The following ZNF546 variants were observed in gnomAD, a reference collection of about 807,000 sequenced individuals.
ZNF546 encodes the protein zinc finger protein 546, also known as CTC-471F3.6.
Under a neutral mutation model 76.2 loss-of-function variants are expected in ZNF546, and 60 were observed. That is an observed-to-expected ratio of 0.79 (90% CI 0.64 to 0.98). ZNF546 has a LOEUF of 0.98. Among genes scored for constraint, ZNF546 ranks in the 50% least tolerant of loss-of-function variants. ZNF546 has a pLI of 0.00. For synonymous variants in ZNF546, 277 were observed against 328.1 expected, an observed-to-expected ratio of 0.84 and a Z score of 1.68; for missense variants, 936 against 1,035.6, an observed-to-expected ratio of 0.90 and a Z score of 1.32.
In ZNF546 at chr19:40,017,997, A is replaced by AGAT. The variant is rs1971799240; in HGVS notation, c.*2218_*2220dup. ...TTTTTTTTTTTTTTTTTTTTTTTTG[A>AGAT]GATGGAGTCTCTGTCGCCCAGGCTG... On this transcript the variant is annotated 3_prime_UTR_variant, in exon 7 of 7. Transcript: ENST00000347077. 1 of 24,086 alleles carries AGAT rather than the reference A, an allele frequency of 4.2e-5. No individual in the cohort carries two copies. The highest frequency in any genetic ancestry group is 2.4e-4 in the African/African-American group (1 of 4,142). The allele number at this position is 24,086 out of a possible 1,614,324, so 1.5% of individuals were successfully genotyped here.
rs200539180 is a variant in ZNF546, at chr19:40,007,392, T to C, written c.290T>C (p.Val97Ala). Residue 97 changes from valine (V) to alanine (A), a missense_variant, in exon 5 of 7, where the codon GTC becomes GCC. Coordinates refer to ENST00000347077, the MANE Select transcript of ZNF546 (RefSeq NM_178544.5). ...ATGTTGGAGAACTACAGCAACCTGG[T>C]CTCACTGGGTAAGGTATCTTTCGAA... ...DVMLENYSNL[V>A]SLGYTIPKPD... 6.3e-7 allele frequency: 1 copy of C among 1,597,190 alleles called. No homozygotes were observed. The highest frequency in any genetic ancestry group is 8.5e-7 in the Non-Finnish European group (1 of 1,171,738).
At chr19:39,998,489 C>A in intron 3 of ZNF546, 79 bp downstream of exon 3, 1 of 1,206,130 alleles carries the variant, frequency 8.3e-7, no homozygotes, top group Non-Finnish European at 1.2e-6. Flanking sequence ...ATCACATCAT[C>A]CATCTTCTCC....
intron 6 of ZNF546, among the ~76,000 whole-genome samples, chr19:40,013,244 C>G (rs1971694945): frequency 6.6e-6 from 1 of 152,114 alleles, no homozygotes; most frequent in African/African-American, 2.4e-5. Context: ...TAGCTCACTG[C>G]CTGTTTTTGC....
chr19:40,006,169 A>C lies in ZNF546; in HGVS notation c.158A>C (p.Lys53Thr). The change falls in exon 4 of 7, where the codon AAA becomes ACA. Residue 53 changes from lysine (K) to threonine (T), a missense_variant. Transcript: ENST00000347077. Reference sequence around the variant, plus strand: ...GAACTGACAAGTTCTTGTGGTTCTAAAACCATGGCCAATGTAAGTTTGTGT... The same window carrying C: ...GAACTGACAAGTTCTTGTGGTTCTACAACCATGGCCAATGTAAGTTTGTGT... ...QGELTSSCGS[K>T]TMANVSLAFR... 1 of 1,613,516 alleles carries C rather than the reference A, an allele frequency of 6.2e-7. No individual in the cohort carries two copies. The highest frequency in any genetic ancestry group is 8.5e-7 in the Non-Finnish European group (1 of 1,179,706).
Position 40,015,066 on chromosome 19 carries a change from A to G in ZNF546, c.1796A>G (p.His599Arg), listed in dbSNP as rs1364784689. ...IFSRRYNLTQ[H>R]FKIHTGEKPY... ...AGTCGTCGCTATAATCTTACTCAAC[A>G]TTTTAAAATTCATACTGGTGAAAAA... Residue 599 changes from histidine (H) to arginine (R), a missense_variant, in exon 7 of 7, where the codon CAT becomes CGT. Physicochemically the swap from His to Arg is conservative, Grantham distance 29. Coordinates refer to ENST00000347077, the MANE Select transcript of ZNF546 (RefSeq NM_178544.5). 3.1e-6 allele frequency: 5 copies of G among 1,613,994 alleles called. No homozygotes were observed. Among genetic ancestry groups the G allele is most frequent in the Admixed American group, 1.7e-5 (1 of 60,012 alleles).
At chr19:40,009,041 A>G (rs1384724138) in intron 6 of ZNF546, among the ~76,000 whole-genome samples, 1 of 152,236 alleles carries the variant, frequency 6.6e-6, no homozygotes, top group Non-Finnish European at 1.5e-5. Context: ...TAAACAGATA[A>G]TAATCAAGTT....
intron 3 of ZNF546, among the ~76,000 whole-genome samples, chr19:40,000,361 A>G (rs1971512515): frequency 6.6e-6 from 1 of 152,148 alleles, no homozygotes; most frequent in African/African-American, 2.4e-5. Context: ...ATGGTGGCTC[A>G]AGCCTGTAAT....
At chr19:40,004,938 A>AT (rs1971584684) in intron 3 of ZNF546, among the ~76,000 whole-genome samples, 1 of 148,480 alleles carries the variant, frequency 6.7e-6, no homozygotes, top group African/African-American at 2.5e-5. Flanking sequence ...GCTGAATTCT[A>AT]CCTCCCTGCA....
Position 40,007,281 on chromosome 19 carries a change from T to C in ZNF546, c.179T>C (p.Leu60Ser). 1 of 1,546,158 alleles carries C rather than the reference T, an allele frequency of 6.5e-7. No homozygotes were observed. The highest frequency in any genetic ancestry group is 8.7e-7 in the Non-Finnish European group (1 of 1,144,838). The stretch of plus-strand genomic sequence containing the variant: ...ATAGGCTTGTCATTTCAGGTATCTT[T>C]GGCATTTAGGGATGTGTCCATAGAC... ...CGSKTMANVSLAFRDVSIDLS... is the reference protein window; with the variant it reads ...CGSKTMANVSSAFRDVSIDLS... Residue 60 changes from leucine to serine, a missense_variant, in exon 5 of 7, where the codon TTG (leucine) becomes TCG (serine). Coordinates refer to ENST00000347077, the MANE Select transcript of ZNF546 (RefSeq NM_178544.5).
chr19:40,004,522 G>A (rs1164224139), intron 3 of ZNF546, among the ~76,000 whole-genome samples: 8 of 152,090 alleles, frequency 5.3e-5, no homozygotes, highest in African/African-American at 1.9e-4. Flanking sequence ...AGCCACCTCG[G>A]CCTCCCAGCG....
At chr19:40,002,046 T>C (rs1410467451) in intron 3 of ZNF546, among the ~76,000 whole-genome samples, 1 of 152,230 alleles carries the variant, frequency 6.6e-6, no homozygotes, top group African/African-American at 2.4e-5. Context: ...TCTGAAAATC[T>C]GACAACAGAG....
In ZNF546 at chr19:40,014,733, T is replaced by G; in HGVS notation, c.1463T>G (p.Leu488Arg). The G allele has an allele frequency of 6.2e-7, 1 of 1,610,808 alleles. No homozygotes were observed. Among genetic ancestry groups the G allele is most frequent in the Non-Finnish European group, 8.5e-7 (1 of 1,179,068 alleles). The stretch of plus-strand genomic sequence containing the variant: ...TGTGGTTATCAACTTACTTTACATC[T>G]GAGAACTCACACCGGTGAGATTCCC... ...FICGYQLTLHLRTHTGEIPYE... is the reference protein window; with the variant it reads ...FICGYQLTLHRRTHTGEIPYE... The change falls in exon 7 of 7, where the codon CTG (leucine) becomes CGG (arginine). Residue 488 changes from leucine to arginine, a missense_variant. By Grantham distance (102) the Leu-to-Arg change is moderately radical. Coordinates refer to ENST00000347077, the MANE Select transcript of ZNF546 (RefSeq NM_178544.5).
At chr19:40,003,180 C>T (rs1054696925) in intron 3 of ZNF546, among the ~76,000 whole-genome samples, 1 of 151,798 alleles carries the variant, frequency 6.6e-6, no homozygotes, top group Non-Finnish European at 1.5e-5. Flanking sequence ...GGACTACAGG[C>T]GCCTGCCACC....
intron 3 of ZNF546, among the ~76,000 whole-genome samples, chr19:40,005,331 C>T (rs1370269964): frequency 6.6e-6 from 1 of 152,020 alleles, no homozygotes; most frequent in Admixed American, 6.6e-5. Context: ...AACCTGCATG[C>T]ATCTTAATAC....
intron 3 of ZNF546, among the ~76,000 whole-genome samples, chr19:40,004,517 C>T (rs927944918): frequency 3.9e-5 from 6 of 152,178 alleles, no homozygotes; most frequent in African/African-American, 1.4e-4. Context: ...GATCCAGCCA[C>T]CTCGGCCTCC....
At position 40,014,345 on chromosome 19, in the gene ZNF546, T is replaced by A; in HGVS notation, c.1075T>A (p.Cys359Ser). 1 of 1,614,068 alleles carries A rather than the reference T, an allele frequency of 6.2e-7. No homozygotes were observed. Among genetic ancestry groups the A allele is most frequent in the South Asian group, 1.1e-5 (1 of 91,080 alleles). ...TCATACTGGTGAGAGGCCTTATGAA[T>A]GTAAGGTTTGTGGCAAGACCTTTAG... ...RIHTGERPYECKVCGKTFRVQ... is the reference protein window; with the variant it reads ...RIHTGERPYESKVCGKTFRVQ... The change falls in exon 7 of 7, where the codon TGT (cysteine) becomes AGT (serine). Residue 359 changes from cysteine to serine, a missense_variant. Transcript: ENST00000347077.
At position 40,015,519 on chromosome 19, in the gene ZNF546, G is replaced by A. The variant is rs1971751835; in HGVS notation, c.2249G>A (p.Ser750Asn). 9 of 1,613,830 alleles carry A rather than the reference G, an allele frequency of 5.6e-6. No individual in the cohort carries two copies. Among genetic ancestry groups the A allele is most frequent in the Non-Finnish European group, 7.6e-6 (9 of 1,179,950 alleles). The part of the protein sequence containing the change: ...FRLHTGEKPY[S>N]CKECGNAFRL... ...CTTCATACTGGTGAGAAACCTTATA[G>A]CTGTAAAGAATGTGGGAATGCCTTT... Residue 750 changes from serine to asparagine, a missense_variant, in exon 7 of 7, where the codon AGC becomes AAC. Ser to Asn is a conservative substitution (Grantham distance 46, BLOSUM62 1). Transcript: ENST00000347077.
intron 5 of ZNF546, 150 bp from the exon 6 acceptor site, chr19:40,008,320 G>A (rs1599741847): frequency 2.1e-6 from 1 of 478,642 alleles, no homozygotes; most frequent in Non-Finnish European, 3.8e-6. Flanking sequence ...TTCTTAGATG[G>A]CCTTTTTCTT....
At chr19:40,003,684 T>C (rs1228879847) in intron 3 of ZNF546, among the ~76,000 whole-genome samples, 2 of 152,094 alleles carry the variant, frequency 1.3e-5, no homozygotes, top group Non-Finnish European at 2.9e-5. Flanking sequence ...TCCAATGTTA[T>C]GAGCTAAAGG....
Sources: allele counts gnomAD v4.1 joint callset (sites outside exome capture counted in the v4.1 genomes callset), GRCh38; gene constraint gnomAD v4.1.1; transcripts MANE v1.5; gene names NCBI Gene and HGNC (gene_info 2026-07-23, HGNC 2026-07-21).